Variants in SCN10A observed in about 807,000 individuals in gnomAD.
SCN10A encodes sodium voltage-gated channel alpha subunit 10.
Under a neutral mutation model 170.7 loss-of-function variants are expected in SCN10A, and 162 were observed. The ratio of observed to expected loss-of-function variants is 0.95; its 90% confidence interval spans 0.84 to 1.08. SCN10A has a LOEUF of 1.08. SCN10A is among the 50% of genes least tolerant of loss of function. The pLI, the probability that SCN10A is intolerant of heterozygous loss-of-function variation, is 0.00. For synonymous variants in SCN10A, 985 were observed against 904.6 expected, an observed-to-expected ratio of 1.09 and a Z score of -1.59; for missense variants, 2,527 against 2,436.9, an observed-to-expected ratio of 1.04 and a Z score of -0.78.
chr3:38,797,354 G>T (rs2064346697), intron 1 of SCN10A, among the ~76,000 whole-genome samples: 1 of 152,150 alleles, frequency 6.6e-6, no homozygotes, highest in South Asian at 2.1e-4. Flanking sequence ...AGCACTCACT[G>T]CTCTGACACC....
intron 21 of SCN10A, among the ~76,000 whole-genome samples, chr3:38,717,448 G>A (rs529831406): frequency 2.0e-5 from 3 of 152,312 alleles, no homozygotes; most frequent in Admixed American, 6.5e-5. Context: ...GTGGGACACC[G>A]GAATAAATAA....
chr3:38,737,657 A>G (rs1434807563), intron 15 of SCN10A, among the ~76,000 whole-genome samples: 1 of 152,162 alleles, frequency 6.6e-6, no homozygotes, highest in Admixed American at 6.5e-5. Flanking sequence ...AGACATTTGC[A>G]CAAAAATCTG....
rs1045289118 is a variant in SCN10A at position 38,718,879 on chromosome 3, G to C, written c.3508-53C>G. On this transcript the variant is annotated intron_variant, in intron 20 of 27. Transcript: ENST00000449082. ...CAGGCTGCCTGGACCCACAGCACTG[G>C]GGCCCAGACTGATAGGGAAGGACCC... 2.1e-5 allele frequency: 33 copies of C among 1,563,966 alleles called. No individual in the cohort carries two copies. The Admixed American group carries it at 5.8e-4, about 28-fold the overall frequency.
At chr3:38,730,993 A>G (rs945450964) in intron 15 of SCN10A, among the ~76,000 whole-genome samples, 2 of 152,224 alleles carry the variant, frequency 1.3e-5, no homozygotes, top group African/African-American at 4.8e-5. Flanking sequence ...GAAGAAAATT[A>G]CAAAACTAAA....
chr3:38,713,864 G>A (rs576039139), intron 22 of SCN10A, 94 bp downstream of exon 22: 8 of 1,511,504 alleles, frequency 5.3e-6, no homozygotes, highest in Middle Eastern at 2.4e-4. Context: ...CTAACCTCAG[G>A]TGATCCGCCC....
chr3:38,749,020 A>G (rs1342135912), intron 13 of SCN10A, among the ~76,000 whole-genome samples: 3 of 152,226 alleles, frequency 2.0e-5, no homozygotes, highest in Non-Finnish European at 4.4e-5. Flanking sequence ...AGCAAAACAG[A>G]TACATCTCTG....
chr3:38,732,415 T>C (rs2063521209), intron 15 of SCN10A, among the ~76,000 whole-genome samples: 1 of 152,192 alleles, frequency 6.6e-6, no homozygotes, highest in African/African-American at 2.4e-5. Flanking sequence ...CTACTTGAAG[T>C]AGACACTCCC....
rs1444664146 is a variant in SCN10A, at chr3:38,760,731, A to G, written c.900T>C (p.Asn300=). ...GTAAGGGGTCAGAAGTGCCTCGCTT[A>G]TTTATGTAGATATCTGCTGAAGAAA... is the stretch of plus-strand genomic sequence containing the variant. The part of the protein sequence containing the change: ...SSHRKPDIYI[N]KRGTSDPLLC... The change falls in exon 8 of 28, where the codon AAT becomes AAC. Residue 300 remains asparagine, a synonymous_variant. Coordinates refer to ENST00000449082, the MANE Select transcript of SCN10A (RefSeq NM_006514.4). 9 of 1,613,728 alleles carry G rather than the reference A, an allele frequency of 5.6e-6. No homozygotes were observed. Among genetic ancestry groups the G allele is most frequent in the Non-Finnish European group, 7.6e-6 (9 of 1,179,754 alleles).
intron 13 of SCN10A, among the ~76,000 whole-genome samples, chr3:38,746,125 G>C (rs1472196570): frequency 9.0e-6 from 1 of 111,388 alleles, no homozygotes; most frequent in Non-Finnish European, 1.8e-5. Flanking sequence ...CTAAGTTCTA[G>C]ACCCCTATAT....
In SCN10A at chr3:38,793,924, A is replaced by G. The variant is rs148392780; in HGVS notation, c.87T>C (p.Ala29=). Residue 29 remains alanine (A), a synonymous_variant, in exon 2 of 28, where the codon GCT becomes GCC. Transcript: ENST00000449082. The stretch of plus-strand genomic sequence containing the variant: ...TGGCTTTCTTTGTTCCCTGCTTGGC[A>G]GCAATTTGCTTCTCTATCTCCACCA... The part of the protein sequence containing the change: ...ESLVEIEKQI[A]AKQGTKKARE... The G allele has an allele frequency of 8.7e-5, 141 of 1,613,904 alleles. No individual in the cohort carries two copies. The highest frequency in any genetic ancestry group is 1.1e-4 in the Non-Finnish European group (128 of 1,179,952).
Position 38,737,826 on chromosome 3 carries a change from TTCTTTC to T in SCN10A, c.2280+1683_2280+1688del, listed in dbSNP as rs1438043241. On this transcript the variant is annotated intron_variant, in intron 15 of 27. Transcript: ENST00000449082. ...TTTCTTTCTTTCTTTCTTTCTTTCTTTCTTTCTCTTTCTTCTTTCTTTCTTTCTCTT... is the reference window on the plus strand; with the variant it reads ...TTTCTTTCTTTCTTTCTTTCTTTCTTTCTTTCTTCTTTCTTTCTTTCTCTT... Among the ~76,000 whole-genome samples the T allele has an allele frequency of 9.9e-5, 13 of 131,452 alleles. No individual in the cohort carries two copies. The South Asian group carries it at 1.6e-3, about 16-fold the overall frequency. The allele number at this position is 131,452 out of a possible 152,430, so 86.2% of individuals were successfully genotyped here.
chr3:38,723,248 C>G (rs1277466767), intron 19 of SCN10A, among the ~76,000 whole-genome samples, 182 bp downstream of exon 19: 4 of 152,196 alleles, frequency 2.6e-5, no homozygotes, highest in Non-Finnish European at 4.4e-5. Flanking sequence ...GATGCAGATA[C>G]CACGGCCAGG....
chr3:38,719,668 C>T (rs1416670113), intron 20 of SCN10A, among the ~76,000 whole-genome samples: 1 of 152,140 alleles, frequency 6.6e-6, no homozygotes, highest in Non-Finnish European at 1.5e-5. Flanking sequence ...GCTGGGATTA[C>T]AGGCGTGAGC....
chr3:38,772,895 G>T (rs1039871224), intron 4 of SCN10A, among the ~76,000 whole-genome samples: 14 of 151,986 alleles, frequency 9.2e-5, no homozygotes. Context: ...ACTAATAGGC[G>T]GACTTGTAAA....
intron 15 of SCN10A, among the ~76,000 whole-genome samples, chr3:38,733,421 T>C (rs1345947120): frequency 1.3e-5 from 2 of 152,168 alleles, no homozygotes; most frequent in South Asian, 2.1e-4. Flanking sequence ...TATTTTTCAT[T>C]GATTAATAAA....
intron 4 of SCN10A, among the ~76,000 whole-genome samples, chr3:38,777,654 C>A (rs1331281391): frequency 6.6e-6 from 1 of 151,836 alleles, no homozygotes; most frequent in Non-Finnish European, 1.5e-5. Context: ...TTCAAGAAGA[C>A]AAATAAGGAG....
At chr3:38,727,397 A>G (rs745312595) in intron 16 of SCN10A, among the ~76,000 whole-genome samples, 8 of 151,976 alleles carry the variant, frequency 5.3e-5, no homozygotes, top group Non-Finnish European at 1.2e-4. Flanking sequence ...TCTGTTCCTG[A>G]CTCTGGAATC....
chr3:38,788,105 T>A (rs1264316950), intron 4 of SCN10A, among the ~76,000 whole-genome samples: 1 of 151,872 alleles, frequency 6.6e-6, no homozygotes, highest in Non-Finnish European at 1.5e-5. Context: ...AATTAAACTT[T>A]ATCAAATGAT....
intron 1 of SCN10A, among the ~76,000 whole-genome samples, chr3:38,807,521 G>A (rs192830263): frequency 2.9e-4 from 44 of 152,138 alleles, no homozygotes; most frequent in Admixed American, 2.2e-3. Context: ...ATGACTGGCC[G>A]CTCTATTTTT....
Sources: gnomAD v4.1 joint callset for allele counts (sites outside exome capture counted in the v4.1 genomes callset) on GRCh38, gnomAD v4.1.1 for gene constraint, MANE v1.5 for transcripts, NCBI Gene and HGNC (gene_info 2026-07-23, HGNC 2026-07-21) for gene names.